The following RNGTT variants were observed in gnomAD, a reference collection of about 807,000 sequenced individuals.
RNGTT encodes RNA guanylyltransferase and 5'-phosphatase.
RNGTT carries 33 observed loss-of-function variants against 79.3 expected under a neutral mutation model. That is an observed-to-expected ratio of 0.42 (90% CI 0.32 to 0.56). The LOEUF (loss-of-function observed/expected upper bound fraction) is 0.56. Among genes scored for constraint, RNGTT ranks in the 20% least tolerant of loss-of-function variants. RNGTT has a pLI of 0.17. For synonymous variants in RNGTT, 222 were observed against 235.9 expected, an observed-to-expected ratio of 0.94 and a Z score of 0.54; for missense variants, 497 against 739.1, an observed-to-expected ratio of 0.67 and a Z score of 3.80.
At chr6:88,843,731 G>A (rs1283046342) in intron 11 of RNGTT, among the ~76,000 whole-genome samples, 1 of 150,912 alleles carries the variant, frequency 6.6e-6, no homozygotes, top group Non-Finnish European at 1.5e-5. Context: ...GCTAATTTTT[G>A]TATTTTTAGT....
At chr6:88,776,253 C>G (rs935527358) in intron 12 of RNGTT, among the ~76,000 whole-genome samples, 1 of 151,460 alleles carries the variant, frequency 6.6e-6, no homozygotes, top group African/African-American at 2.4e-5. Flanking sequence ...GGTAATATCT[C>G]AATGACGTTT....
chr6:88,714,219 T>C (rs1263412587), intron 13 of RNGTT: 1 of 152,204 alleles, frequency 6.6e-6, no homozygotes, highest in Non-Finnish European at 1.5e-5. Flanking sequence ...ATTAAGTCAT[T>C]ATTGAAACTG....
Position 88,737,502 on chromosome 6 carries a change from C to A in RNGTT, c.1439+32272G>T, listed in dbSNP as rs568569096. On this transcript the variant is annotated intron_variant, in intron 13 of 15. Transcript: ENST00000369485. ...AGGCAGGGCTGAATGTCTGTCCCCC[C>A]TCCCCAAATTCATATGTTGAAGCCC... 2.6e-5 allele frequency among the ~76,000 whole-genome samples: 4 copies of A among 152,264 alleles called. No individual in the cohort carries two copies. The East Asian group carries it at 7.7e-4, about 29-fold the overall frequency.
Position 88,801,822 on chromosome 6 carries a change from G to GACACACAC in RNGTT, c.1270-198_1270-191dup, listed in dbSNP as rs56124919. Among the ~76,000 whole-genome samples, 110 of 123,256 alleles carry GACACACAC rather than the reference G, an allele frequency of 8.9e-4. 1 individual carries two copies. Among genetic ancestry groups the GACACACAC allele is most frequent in the African/African-American group, 2.7e-3 (97 of 35,980 alleles). 80.9% of individuals were successfully genotyped at this position (123,256 alleles called of 152,430 possible). On this transcript the variant is annotated intron_variant, in intron 11 of 15. Coordinates refer to ENST00000369485, the MANE Select transcript of RNGTT (RefSeq NM_003800.5). Reference sequence around the variant, plus strand: ...CGTAAGATTTGAATACACACACACAGACACACACACACACACACACACACA... The same window carrying GACACACAC: ...CGTAAGATTTGAATACACACACACAGACACACACACACACACACACACACACACACACA...
chr6:88,902,355 T>C (rs1178699085), intron 6 of RNGTT, among the ~76,000 whole-genome samples: 2 of 152,138 alleles, frequency 1.3e-5, no homozygotes, highest in African/African-American at 4.8e-5. Flanking sequence ...ATCCTACTAC[T>C]TTGGGAGGCT....
intron 1 of RNGTT, among the ~76,000 whole-genome samples, chr6:88,941,649 A>C (rs1184479025): frequency 6.6e-6 from 1 of 152,042 alleles, no homozygotes; most frequent in Non-Finnish European, 1.5e-5. Context: ...TACTTTTCAA[A>C]GATACTACCC....
intron 14 of RNGTT, among the ~76,000 whole-genome samples, chr6:88,616,649 GA>G (rs1456550560): frequency 6.6e-6 from 1 of 152,086 alleles, no homozygotes; most frequent in Non-Finnish European, 1.5e-5. Context: ...ACTAATGACT[GA>G]GAATCTTTCC....
chr6:88,944,352 G>C, intron 1 of RNGTT, among the ~76,000 whole-genome samples: 1 of 152,310 alleles, frequency 6.6e-6, no homozygotes, highest in East Asian at 1.9e-4. Flanking sequence ...TACGGATGTA[G>C]AGTCCATGAA....
rs1053596180 is a variant in RNGTT, at chr6:88,610,767, C to T, written c.*1952G>A. The T allele has an allele frequency of 6.6e-6, 1 of 152,176 alleles. No individual in the cohort carries two copies. Among genetic ancestry groups the T allele is most frequent in the African/African-American group, 2.4e-5 (1 of 41,456 alleles). 9.4% of individuals were successfully genotyped at this position (152,176 alleles called of 1,614,324 possible). ...AGTGAGATGCTCTTTTCACGTAACT[C>T]ATTTGAAAGGTTACAATTACCATAA... On this transcript the variant is annotated 3_prime_UTR_variant, in exon 16 of 16. Coordinates refer to ENST00000369485, the MANE Select transcript of RNGTT (RefSeq NM_003800.5).
intron 8 of RNGTT, among the ~76,000 whole-genome samples, chr6:88,870,251 C>A (rs888087290): frequency 7.9e-5 from 12 of 152,076 alleles, no homozygotes; most frequent in Non-Finnish European, 4.4e-5. Context: ...AAATTACCAT[C>A]AAACATGCAA....
At chr6:88,960,518 G>A (rs977083576) in intron 1 of RNGTT, among the ~76,000 whole-genome samples, 4 of 152,140 alleles carry the variant, frequency 2.6e-5, no homozygotes, top group Non-Finnish European at 5.9e-5. Context: ...CGGATCACCC[G>A]AGGTCAGCAG....
At chr6:88,854,011 G>A (rs528038757) in intron 8 of RNGTT, among the ~76,000 whole-genome samples, 5 of 151,032 alleles carry the variant, frequency 3.3e-5, no homozygotes, top group Admixed American at 1.3e-4. Context: ...TGCAACCTCC[G>A]CCTCCCAGGT....
intron 1 of RNGTT, 32 bp from the exon 2 acceptor site, chr6:88,941,212 A>T: frequency 7.7e-7 from 1 of 1,291,536 alleles, no homozygotes; most frequent in Non-Finnish European, 1.1e-6. Context: ...TCATTTCCAT[A>T]AAAGGAAATG....
intron 11 of RNGTT, among the ~76,000 whole-genome samples, chr6:88,804,198 G>A (rs773841410): frequency 6.6e-6 from 1 of 152,162 alleles, no homozygotes; most frequent in East Asian, 1.9e-4. Context: ...CTTTAATTCA[G>A]AGAGTAAAGT....
chr6:88,916,184 CCTCAGATTCTTCCAGGCAGGTGG>C (rs1237703910), intron 4 of RNGTT, among the ~76,000 whole-genome samples: 1 of 152,208 alleles, frequency 6.6e-6, no homozygotes, highest in Non-Finnish European at 1.5e-5. Flanking sequence ...ATCTATCAAA[CCTCAGATTCTTCCAGGCAGGTGG>C]CTCATGCCTG....
chr6:88,700,362 C>T (rs149236999), intron 13 of RNGTT, among the ~76,000 whole-genome samples: 302 of 152,226 alleles, frequency 2.0e-3, no homozygotes, highest in Non-Finnish European at 3.8e-3. Flanking sequence ...GGTTTTTCCA[C>T]CCTTAATTCA....
chr6:88,725,959 GAGAA>G lies in RNGTT; in HGVS notation c.1439+43811_1439+43814del, dbSNP rs1328237728. 4.6e-5 allele frequency among the ~76,000 whole-genome samples: 7 copies of G among 152,026 alleles called. No homozygotes were observed. In the South Asian group the frequency reaches 1.2e-3, roughly 27 times the overall value. On this transcript the variant is annotated intron_variant, in intron 13 of 15. Transcript: ENST00000369485. ...ACAGAGAGTCAGAGGGAGAGAGAGAGAGAAAGAGAGAGACAGGCGGAGAGATAAA... is the reference window on the plus strand; with the variant it reads ...ACAGAGAGTCAGAGGGAGAGAGAGAGAGAGAGAGACAGGCGGAGAGATAAA...
intron 11 of RNGTT, among the ~76,000 whole-genome samples, chr6:88,828,789 A>G (rs1403503158): frequency 6.6e-6 from 1 of 151,892 alleles, no homozygotes; most frequent in Admixed American, 6.6e-5. Context: ...AGGATATCAG[A>G]GATTGAAGAT....
At chr6:88,946,802 G>A (rs1034749370) in intron 1 of RNGTT, among the ~76,000 whole-genome samples, 148 of 145,284 alleles carry the variant, frequency 1.0e-3, no homozygotes, top group Non-Finnish European at 1.5e-3. Context: ...TTGCAGGCAC[G>A]CGCCGCCACG....
Sources: allele counts gnomAD v4.1 joint callset (sites outside exome capture counted in the v4.1 genomes callset), GRCh38; gene constraint gnomAD v4.1.1; transcripts MANE v1.5; gene names NCBI Gene and HGNC (gene_info 2026-07-23, HGNC 2026-07-21).